CRACD: variants seen among roughly 807,000 people sequenced by gnomAD.
The protein encoded by CRACD is capping protein inhibiting regulator of actin dynamics, also known as capping protein-inhibiting regulator of actin dynamics.
Under a neutral mutation model 106.8 loss-of-function variants are expected in CRACD, and 56 were observed. The ratio of observed to expected loss-of-function variants is 0.52; its 90% CI spans 0.42 to 0.66. CRACD has a LOEUF of 0.66. Ranked by LOEUF, CRACD falls within the 30% of genes least tolerant of loss-of-function variation. The probability of loss-of-function intolerance (pLI) is 0.00; values close to 1 mark genes in which losing one functional copy is unlikely to be tolerated. For synonymous variants in CRACD, 754 were observed against 670.8 expected, an observed-to-expected ratio of 1.12 and a Z score of -1.92; for missense variants, 1,730 against 1,623.2, an observed-to-expected ratio of 1.07 and a Z score of -1.13.
At chr4:56,092,353 G>A (rs373734107) in intron 1 of CRACD, among the ~76,000 whole-genome samples, 10 of 152,256 alleles carry the variant, frequency 6.6e-5, no homozygotes, top group East Asian at 1.9e-4. Flanking sequence ...TATGGGAGTC[G>A]GTGTGGTAGA....
intron 2 of CRACD, among the ~76,000 whole-genome samples, chr4:56,228,164 C>T (rs11934735): frequency 0.12 from 17,688 of 152,030 alleles, 1,333 homozygotes; most frequent in South Asian, 0.21. Context: ...GGACCGTGTC[C>T]TCATATGATG....
At chr4:56,293,240 G>A (rs1403837121) in intron 3 of CRACD, among the ~76,000 whole-genome samples, 2 of 152,096 alleles carry the variant, frequency 1.3e-5, no homozygotes, top group Non-Finnish European at 2.9e-5. Flanking sequence ...AACATGGGAG[G>A]ATCAGAGAGA....
At chr4:56,323,339 A>T in intron 8 of CRACD, 38 bp from the exon 9 acceptor site, 1 of 1,564,488 alleles carries the variant, frequency 6.4e-7, no homozygotes, top group Non-Finnish European at 8.6e-7. Flanking sequence ...TCCGCAGTTA[A>T]GTTCATTGCA....
Position 56,316,112 on chromosome 4 carries a change from G to GA in CRACD, c.2611dup (p.Arg871LysfsTer52), listed in dbSNP as rs1157145836. 6.2e-7 allele frequency: 1 copy of GA among 1,614,058 alleles called. No homozygotes were observed. The highest frequency in any genetic ancestry group is 8.5e-7 in the Non-Finnish European group (1 of 1,180,056). On this transcript the variant is annotated frameshift_variant, in exon 8 of 11. Coordinates refer to ENST00000682029, the MANE Select transcript of CRACD (RefSeq NM_001393381.1). LOFTEE classifies it high-confidence loss of function. ...AACAGGCAGAACAGAAGAAGAAGAA[G>GA]AGGCACAGCAGCACCGGAGACAGCG...
chr4:56,062,627 G>A (rs1732317694), intron 1 of CRACD, among the ~76,000 whole-genome samples: 1 of 152,156 alleles, frequency 6.6e-6, no homozygotes, highest in African/African-American at 2.4e-5. Context: ...AGCTAGAGTG[G>A]TAGACTGTAG....
At chr4:56,258,845 A>G (rs1463011485) in intron 2 of CRACD, among the ~76,000 whole-genome samples, 1 of 152,208 alleles carries the variant, frequency 6.6e-6, no homozygotes, top group Non-Finnish European at 1.5e-5. Context: ...AGGTATGTGG[A>G]TAGATCTCTC....
At position 56,315,056 on chromosome 4, in the gene CRACD, G is replaced by A. The variant is rs570190221; in HGVS notation, c.1554G>A (p.Lys518=). The A allele has an allele frequency of 1.6e-5, 26 of 1,608,784 alleles. No homozygotes were observed. In the East Asian group the frequency reaches 5.2e-4, roughly 32 times the overall value. The change falls in exon 8 of 11, where the codon AAG becomes AAA. Residue 518 remains lysine, a synonymous_variant. Transcript: ENST00000682029. This position sits in a 1 kb window ranked among gnomAD's most constrained non-coding sequence, Gnocchi z 4.1. ...KEAAALEQGR[K]VEELRWQEVD... ...CCGCCGCCCTTGAACAAGGCCGCAA[G>A]GTGGAGGAGCTGCGGTGGCAGGAGG...
intron 1 of CRACD, among the ~76,000 whole-genome samples, chr4:56,153,142 G>A (rs920435126): frequency 4.6e-5 from 7 of 152,076 alleles, no homozygotes; most frequent in African/African-American, 1.4e-4. Flanking sequence ...AGCTGGGCAC[G>A]GTGGCACATG....
At chr4:56,300,731 T>C (rs1744320963) in intron 4 of CRACD, among the ~76,000 whole-genome samples, 1 of 152,192 alleles carries the variant, frequency 6.6e-6, no homozygotes, top group African/African-American at 2.4e-5. Flanking sequence ...TCTTCAATGA[T>C]ACCTGCTCTG....
rs1469190531 is a variant in CRACD at position 56,057,827 on chromosome 4, T to G, written c.-336+8528T>G. Among the ~76,000 whole-genome samples, 8 of 59,436 alleles carry G rather than the reference T, an allele frequency of 1.3e-4. 1 individual carries two copies. The South Asian group carries it at 1.5e-3, about 11-fold the overall frequency. 39.0% of individuals were successfully genotyped at this position (59,436 alleles called of 152,430 possible). ...TTTTTTTTTTTTGTTTTTTTTTTTT[T>G]TTTTTTTTTGAGACGGAGTCTCGCT... On this transcript the variant is annotated intron_variant, in intron 1 of 10. Coordinates refer to ENST00000682029, the MANE Select transcript of CRACD (RefSeq NM_001393381.1).
chr4:56,137,639 C>T (rs1170570314), intron 1 of CRACD, among the ~76,000 whole-genome samples: 1 of 152,170 alleles, frequency 6.6e-6, no homozygotes, highest in Non-Finnish European at 1.5e-5. Context: ...ATGGCCAGAA[C>T]TCAGGTAACT....
intron 2 of CRACD, among the ~76,000 whole-genome samples, chr4:56,223,818 AC>A (rs1278297135): frequency 6.6e-6 from 1 of 152,188 alleles, no homozygotes; most frequent in African/African-American, 2.4e-5. Context: ...AAGTACAGTG[AC>A]GCAGTCTCAG....
intron 2 of CRACD, among the ~76,000 whole-genome samples, chr4:56,240,033 T>C (rs1179644479): frequency 1.6e-5 from 1 of 62,200 alleles, no homozygotes; most frequent in Non-Finnish European, 3.2e-5. Flanking sequence ...TATTTTCATT[T>C]CAATTATTCT....
intron 1 of CRACD, among the ~76,000 whole-genome samples, chr4:56,099,530 C>T (rs191854576): frequency 1.2e-4 from 18 of 152,240 alleles, no homozygotes; most frequent in Admixed American, 1.0e-3. Context: ...CTGACTGTTC[C>T]GAAATGGCTG....
chr4:56,183,374 C>T (rs1228011526), intron 2 of CRACD, among the ~76,000 whole-genome samples: 1 of 152,136 alleles, frequency 6.6e-6, no homozygotes, highest in Non-Finnish European at 1.5e-5. Context: ...AGCCGTCTAG[C>T]CATTTGTGTT....
At chr4:56,226,083 G>T (rs764427031) in intron 2 of CRACD, among the ~76,000 whole-genome samples, 1 of 152,094 alleles carries the variant, frequency 6.6e-6, no homozygotes, top group South Asian at 2.1e-4. Context: ...AAGTGAAGTC[G>T]TAAGAAGTGG....
intron 1 of CRACD, among the ~76,000 whole-genome samples, chr4:56,072,469 C>T (rs1029313117): frequency 3.3e-5 from 5 of 152,302 alleles, no homozygotes; most frequent in Admixed American, 6.5e-5. Context: ...TTCAAAAACA[C>T]AGCCTTATTG....
At chr4:56,286,521 G>A (rs1257416448) in intron 3 of CRACD, among the ~76,000 whole-genome samples, 18 of 40,600 alleles carry the variant, frequency 4.4e-4, no homozygotes, top group South Asian at 3.0e-3. Context: ...GCGAGACTCC[G>A]TCTCAAAAAA....
chr4:56,215,552 C>T (rs1738633597), intron 2 of CRACD, among the ~76,000 whole-genome samples: 1 of 152,168 alleles, frequency 6.6e-6, no homozygotes, highest in Non-Finnish European at 1.5e-5. Flanking sequence ...TTCTTTGTAT[C>T]TTGTCTCTTC....
Sources: gnomAD v4.1 joint callset for allele counts (sites outside exome capture counted in the v4.1 genomes callset) on GRCh38, gnomAD v4.1.1 for gene constraint, Gnocchi (gnomAD v3.1) non-coding constraint, MANE v1.5 for transcripts, NCBI Gene and HGNC (gene_info 2026-07-23, HGNC 2026-07-21) for gene names.